TMEM220: variants seen among roughly 807,000 people sequenced by gnomAD.
TMEM220 encodes transmembrane protein 220.
Under a neutral mutation model 21.7 loss-of-function variants are expected in TMEM220, and 21 were observed. The observed-to-expected ratio is 0.97, with a 90% CI of 0.69 to 1.39. The LOEUF (loss-of-function observed/expected upper bound fraction) is 1.39. TMEM220 is among the 40% of genes most tolerant of loss of function. The probability of loss-of-function intolerance (pLI) is 0.00; values close to 1 mark genes in which losing one functional copy is unlikely to be tolerated. For synonymous variants in TMEM220, 80 were observed against 73.6 expected, an observed-to-expected ratio of 1.09 and a Z score of -0.45; for missense variants, 191 against 201.9, an observed-to-expected ratio of 0.95 and a Z score of 0.33.
chr17:10,717,751 T>C (rs1824535385), intron 5 of TMEM220, among the ~76,000 whole-genome samples: 1 of 152,232 alleles, frequency 6.6e-6, no homozygotes, highest in South Asian at 2.1e-4. Context: ...TTAAATATTA[T>C]GTAGACATCT....
chr17:10,715,950 C>G (rs1375747525), intron 5 of TMEM220: 1 of 354,626 alleles, frequency 2.8e-6, no homozygotes, highest in East Asian at 6.8e-5. Context: ...TAAATTTTAT[C>G]ACATATTTAT....
At chr17:10,729,324 G>A (rs1351329032) in intron 1 of TMEM220, among the ~76,000 whole-genome samples, 5 of 152,062 alleles carry the variant, frequency 3.3e-5, no homozygotes, top group Non-Finnish European at 7.3e-5. Flanking sequence ...AACCCAGAAC[G>A]GGTATTTTAA....
downstream of TMEM220, chr17:10,711,226 GT>G: frequency 9.0e-7 from 1 of 1,106,536 alleles, no homozygotes; most frequent in Non-Finnish European, 1.3e-6. Context: ...CTGTCTCATT[GT>G]TTAGTATTCA....
chr17:10,729,503 C>T (rs1388964494), intron 1 of TMEM220, among the ~76,000 whole-genome samples: 2 of 152,228 alleles, frequency 1.3e-5, no homozygotes, highest in Non-Finnish European at 2.9e-5. Context: ...ACGCAGGAGC[C>T]AGGGCCGCTT....
At chr17:10,729,659 C>A (rs1328195761) in intron 1 of TMEM220, 121 bp downstream of exon 1, 3 of 843,086 alleles carry the variant, frequency 3.6e-6, no homozygotes, top group Non-Finnish European at 4.8e-6. Flanking sequence ...AGCCCAAGTC[C>A]CGTCCTCCCC....
chr17:10,723,379 G>A lies in TMEM220; in HGVS notation c.288-50C>T, dbSNP rs373414546. On this transcript the variant is annotated intron_variant, in intron 4 of 5. Coordinates refer to ENST00000341871, the MANE Select transcript of TMEM220 (RefSeq NM_001004313.3). ...TTTTGGAAGTGGCTACAAGTGAGAT[G>A]CATATCATCACATTCTCTCCATGAC... 2.3e-5 allele frequency: 32 copies of A among 1,400,238 alleles called. No individual in the cohort carries two copies. The Middle Eastern group carries it at 5.3e-4, about 23-fold the overall frequency. The allele number at this position is 1,400,238 out of a possible 1,614,324, so 86.7% of individuals were successfully genotyped here.
chr17:10,719,629 A>C (rs2074965012), intron 5 of TMEM220, among the ~76,000 whole-genome samples: 2 of 152,266 alleles, frequency 1.3e-5, no homozygotes, highest in South Asian at 4.1e-4. Context: ...TACAGGTATT[A>C]GAAGAAAACT....
intron 1 of TMEM220, 132 bp downstream of exon 1, chr17:10,729,648 A>G (rs1380591409): frequency 2.7e-6 from 2 of 729,928 alleles, no homozygotes; most frequent in Non-Finnish European, 3.8e-6. Context: ...CCCAAGCAGA[A>G]AGCCCAAGTC....
chr17:10,716,038 C>T lies in TMEM220; in HGVS notation c.348-450G>A. The T allele has an allele frequency of 9.2e-6, 5 of 545,442 alleles. 1 individual carries two copies. The Middle Eastern group carries it at 1.5e-3, about 162-fold the overall frequency. 33.8% of individuals were successfully genotyped at this position (545,442 alleles called of 1,614,324 possible). On this transcript the variant is annotated intron_variant, in intron 5 of 5. Transcript: ENST00000341871. ...TCTTGATAATGGTAATTAAAAACTA[C>T]TCCCACCCCCCCATGTCCACATCAA...
intron 3 of TMEM220, among the ~76,000 whole-genome samples, chr17:10,725,694 C>A (rs187961449): frequency 8.9e-4 from 136 of 152,352 alleles, no homozygotes; most frequent in African/African-American, 3.1e-3. Context: ...GTCCACCAGT[C>A]TGAAGCCAGC....
At chr17:10,716,326 A>G in intron 5 of TMEM220, 2 of 650,140 alleles carry the variant, frequency 3.1e-6, no homozygotes, top group South Asian at 2.7e-5. Flanking sequence ...GTCATCAATT[A>G]TACTCTTCAG....
intron 1 of TMEM220, 47 bp downstream of exon 1, chr17:10,729,733 C>T (rs1454592926): frequency 3.8e-6 from 5 of 1,309,836 alleles, no homozygotes; most frequent in Non-Finnish European, 4.9e-6. Flanking sequence ...GGCCAGGGGG[C>T]GGAGCTGGGA....
chr17:10,722,725 G>C (rs424811), intron 5 of TMEM220, among the ~76,000 whole-genome samples: 77,993 of 151,894 alleles, frequency 0.51, 20,825 homozygotes, highest in African/African-American at 0.66. Flanking sequence ...TCATTCTTTC[G>C]TGAATCTCTA....
intron 5 of TMEM220, among the ~76,000 whole-genome samples, 169 bp from the exon 6 acceptor site, chr17:10,715,757 AT>A (rs1242351569): frequency 6.6e-6 from 1 of 152,210 alleles, no homozygotes; most frequent in East Asian, 1.9e-4. Flanking sequence ...TATGCTAAAT[AT>A]AAATCCTTGT....
At chr17:10,728,810 G>T (rs938646597) in intron 2 of TMEM220, among the ~76,000 whole-genome samples, 1 of 152,166 alleles carries the variant, frequency 6.6e-6, no homozygotes, top group African/African-American at 2.4e-5. Context: ...GAATACTGCA[G>T]AAAGACCTGT....
intron 5 of TMEM220, among the ~76,000 whole-genome samples, chr17:10,719,023 C>T (rs1450179970): frequency 6.6e-6 from 1 of 152,222 alleles, no homozygotes; most frequent in East Asian, 1.9e-4. Context: ...GTGGCTTTTT[C>T]CATTTTTCTT....
downstream of TMEM220, among the ~76,000 whole-genome samples, chr17:10,711,409 T>C (rs578207345): frequency 1.3e-5 from 2 of 152,286 alleles, no homozygotes; most frequent in South Asian, 4.1e-4. Context: ...AGGGATCTTA[T>C]TTGGCCCTAC....
chr17:10,725,434 T>G (rs2075039298), intron 3 of TMEM220, among the ~76,000 whole-genome samples: 1 of 152,240 alleles, frequency 6.6e-6, no homozygotes, highest in Non-Finnish European at 1.5e-5. Flanking sequence ...AACTGGACTT[T>G]GGCTAGGTCA....
At chr17:10,727,658 C>G (rs960971735) in intron 2 of TMEM220, among the ~76,000 whole-genome samples, 3 of 152,082 alleles carry the variant, frequency 2.0e-5, no homozygotes, top group African/African-American at 7.2e-5. Flanking sequence ...GCATACTGAT[C>G]TGGATAGTAA....
Sources: allele counts gnomAD v4.1 joint callset (sites outside exome capture counted in the v4.1 genomes callset), GRCh38; gene constraint gnomAD v4.1.1; transcripts MANE v1.5; gene names NCBI Gene and HGNC (gene_info 2026-07-23, HGNC 2026-07-21).